The following JMJD1C variants were observed in gnomAD, a reference collection of about 807,000 sequenced individuals.
The protein encoded by JMJD1C is jumonji domain-containing protein 1C.
JMJD1C carries 31 observed loss-of-function variants against 245.3 expected under a neutral mutation model. The observed-to-expected ratio is 0.13, with a 90% confidence interval of 0.09 to 0.17. The LOEUF is 0.17. JMJD1C is among the 10% of genes least tolerant of loss of function. The pLI, the probability that JMJD1C is intolerant of heterozygous loss-of-function variation, is 1.00. For missense variants in JMJD1C, 2,691 were observed against 3,000.2 expected (o/e 0.90, Z 2.41); for synonymous variants, 1,057 against 1,017.4 (o/e 1.04, Z -0.74).
At position 63,296,013 on chromosome 10, in the gene JMJD1C, A is replaced by ATATAT. The variant is rs71025149; in HGVS notation, c.334-31250_334-31249insATATA. Among the ~76,000 whole-genome samples, 39 of 84,282 alleles carry ATATAT rather than the reference A, an allele frequency of 4.6e-4. 1 individual carries two copies. Among genetic ancestry groups the ATATAT allele is most frequent in the African/African-American group, 1.5e-3 (36 of 24,008 alleles). 55.3% of individuals were successfully genotyped at this position (84,282 alleles called of 152,430 possible). Reference sequence around the variant, plus strand: ...TGTGTGTGTGTGTGTGTATATATATATTTTTTTTTTTTTCTTAGATGGAGT... The same window carrying ATATAT: ...TGTGTGTGTGTGTGTGTATATATATATATATTTTTTTTTTTTTTCTTAGATGGAGT... On this transcript the variant is annotated intron_variant, in intron 2 of 25. Coordinates refer to ENST00000399262, the MANE Select transcript of JMJD1C (RefSeq NM_032776.3).
At chr10:63,470,531 C>A (rs1447920706), upstream of JMJD1C, among the ~76,000 whole-genome samples, 1 of 152,126 alleles carries the variant, frequency 6.6e-6, no homozygotes, top group Non-Finnish European at 1.5e-5. Context: ...GGAAGAGTTA[C>A]AATTCTCAAG....
intron 2 of JMJD1C, among the ~76,000 whole-genome samples, chr10:63,305,935 G>A (rs368380569): frequency 7.3e-5 from 11 of 151,324 alleles, no homozygotes; most frequent in Admixed American, 4.6e-4. Context: ...TGTTGCCCAC[G>A]CTGGAATCAA....
chr10:63,357,947 TAAAAA>T (rs11367621), intron 2 of JMJD1C, among the ~76,000 whole-genome samples: 1 of 144,212 alleles, frequency 6.9e-6, no homozygotes. Context: ...AAGAACTAAA[TAAAAA>T]AAAAAAAAAC....
chr10:63,461,693 T>C (rs1297201510), intron 1 of JMJD1C, among the ~76,000 whole-genome samples: 2 of 152,180 alleles, frequency 1.3e-5, no homozygotes, highest in African/African-American at 2.4e-5. Context: ...GATTTTTTAT[T>C]GTCCTTTTCT....
intron 3 of JMJD1C, among the ~76,000 whole-genome samples, chr10:63,226,597 C>T (rs1481192219): frequency 6.6e-6 from 1 of 151,362 alleles, no homozygotes; most frequent in Non-Finnish European, 1.5e-5. Context: ...CACCTGTAGT[C>T]CCAACTACTC....
chr10:63,263,267 G>C lies in JMJD1C; in HGVS notation c.447+1384C>G, dbSNP rs149951355. On this transcript the variant is annotated intron_variant, in intron 3 of 25. Transcript: ENST00000399262. The stretch of plus-strand genomic sequence containing the variant: ...CCTTTAAAGAAACAAGAAAAATCAA[G>C]TGGAAAGACAAGAGCACATCTATAT... Among the ~76,000 whole-genome samples the C allele has an allele frequency of 3.2e-3, 491 of 152,260 alleles. 3 individuals carry two copies. Among genetic ancestry groups the C allele is most frequent in the African/African-American group, 0.011 (476 of 41,564 alleles).
At chr10:63,367,860 A>G (rs748937281) in intron 2 of JMJD1C, among the ~76,000 whole-genome samples, 2 of 152,230 alleles carry the variant, frequency 1.3e-5, no homozygotes, top group Non-Finnish European at 1.5e-5. Flanking sequence ...CTGGATTAAA[A>G]TAAGAATGTC....
chr10:63,285,292 G>A (rs968595880), intron 2 of JMJD1C, among the ~76,000 whole-genome samples: 3 of 152,160 alleles, frequency 2.0e-5, no homozygotes, highest in African/African-American at 7.2e-5. Context: ...CTGAATGTCA[G>A]AACCTCTTTT....
intron 1 of JMJD1C, among the ~76,000 whole-genome samples, chr10:63,406,722 C>G (rs953131269): frequency 3.9e-5 from 6 of 151,938 alleles, no homozygotes; most frequent in Admixed American, 1.3e-4. Flanking sequence ...ACAGCACAAG[C>G]AGGTACTGAT....
chr10:63,284,109 T>C (rs1422055376), intron 2 of JMJD1C, among the ~76,000 whole-genome samples: 1 of 152,020 alleles, frequency 6.6e-6, no homozygotes, highest in Admixed American at 6.6e-5. Flanking sequence ...CACTGCAACC[T>C]CTGCCTCCTA....
chr10:63,347,775 C>T lies in JMJD1C; in HGVS notation c.333+32543G>A, dbSNP rs150864178. On this transcript the variant is annotated intron_variant, in intron 2 of 25. Transcript: ENST00000399262. ...ACTAAAAATACAAAAATCAGCCAGG[C>T]GTGGTGTGGGCACCTGTAATCCCAG... Among the ~76,000 whole-genome samples the T allele has an allele frequency of 3.1e-3, 467 of 151,608 alleles. 2 individuals are homozygous for T. The highest frequency in any genetic ancestry group is 0.011 in the African/African-American group (454 of 41,318).
chr10:63,426,004 T>C (rs1950417656), intron 1 of JMJD1C, among the ~76,000 whole-genome samples: 2 of 152,204 alleles, frequency 1.3e-5, no homozygotes, highest in African/African-American at 4.8e-5. Context: ...TAAGACATTT[T>C]TGTAGGCATT....
chr10:63,289,720 T>C (rs1445523572), intron 2 of JMJD1C, among the ~76,000 whole-genome samples: 1 of 152,194 alleles, frequency 6.6e-6, no homozygotes, highest in Non-Finnish European at 1.5e-5. Context: ...GTTTCTGGAT[T>C]ACTGGTTGAA....
At chr10:63,363,951 G>A (rs1413531154) in intron 2 of JMJD1C, among the ~76,000 whole-genome samples, 1 of 151,544 alleles carries the variant, frequency 6.6e-6, no homozygotes, top group Admixed American at 6.6e-5. Flanking sequence ...CACCTCCCGG[G>A]TACAAGCAAT....
chr10:63,361,742 A>AAAAG (rs1945362551), intron 2 of JMJD1C, among the ~76,000 whole-genome samples: 1 of 146,528 alleles, frequency 6.8e-6, no homozygotes, highest in African/African-American at 2.5e-5. Context: ...AAAAAAAAAA[A>AAAAG]AAAAAGAAAA....
intron 1 of JMJD1C, among the ~76,000 whole-genome samples, chr10:63,383,776 C>G (rs1947386487): frequency 6.6e-6 from 1 of 152,156 alleles, no homozygotes; most frequent in Admixed American, 6.6e-5. Context: ...TAACAATCAT[C>G]TGAGCTTTCA....
chr10:63,379,026 CCCTT>C (rs1947002082), intron 2 of JMJD1C, among the ~76,000 whole-genome samples: 2 of 152,050 alleles, frequency 1.3e-5, no homozygotes, highest in Admixed American at 6.6e-5. Context: ...TCTCTTCCCT[CCCTT>C]CCTATCCTGT....
chr10:63,259,792 A>G (rs1383402128), intron 3 of JMJD1C, among the ~76,000 whole-genome samples: 2 of 152,244 alleles, frequency 1.3e-5, no homozygotes, highest in Non-Finnish European at 2.9e-5. Flanking sequence ...ACAGCACAAC[A>G]GTACTGTATT....
At chr10:63,208,921 CTAT>C in intron 9 of JMJD1C, 120 bp from the exon 10 acceptor site, 1 of 1,031,424 alleles carries the variant, frequency 9.7e-7, no homozygotes, top group Non-Finnish European at 1.4e-6. Context: ...TACTCTAATA[CTAT>C]AATAAATTTG....
Sources: gnomAD v4.1 joint callset for allele counts (sites outside exome capture counted in the v4.1 genomes callset) on GRCh38, gnomAD v4.1.1 for gene constraint, MANE v1.5 for transcripts, NCBI Gene and HGNC (gene_info 2026-07-23, HGNC 2026-07-21) for gene names.